Variants in NECAB3 observed in about 807,000 individuals in gnomAD.
The protein encoded by NECAB3 is N-terminal EF-hand calcium-binding protein 3.
Under a neutral mutation model 57.2 loss-of-function variants are expected in NECAB3, and 38 were observed. That is an observed-to-expected ratio of 0.66 (90% confidence interval 0.51 to 0.87). NECAB3 has a LOEUF of 0.87. Among genes scored for constraint, NECAB3 ranks in the 40% least tolerant of loss-of-function variants. NECAB3 has a pLI of 0.00. For synonymous variants in NECAB3, 223 were observed against 222.6 expected (o/e 1.00, Z -0.02); for missense variants, 474 against 527.5 (o/e 0.90, Z 0.99).
chr20:33,667,724 C>T (rs1479602244), intron 5 of NECAB3: 2 of 1,612,208 alleles, frequency 1.2e-6, no homozygotes, highest in African/African-American at 1.3e-5. Flanking sequence ...CCCCGCAAGG[C>T]CATCACACAT....
chr20:33,671,102 C>T (rs1171758006), intron 2 of NECAB3, among the ~76,000 whole-genome samples: 11 of 152,326 alleles, frequency 7.2e-5, no homozygotes, highest in African/African-American at 1.4e-4. Context: ...GGCTGGGACA[C>T]GGCCACATTG....
Position 33,674,414 on chromosome 20 carries a change from T to G in NECAB3, c.-62A>C. ...GCCGACCCTGGACGCCGCGGCGGAC[T>G]CGGTGTGGCTAGAGGCCGCCCCTTG... On this transcript the variant is annotated 5_prime_UTR_variant, in exon 1 of 12. Transcript: ENST00000246190. The G allele has an allele frequency of 9.0e-7, 1 of 1,106,030 alleles. No individual in the cohort carries two copies. Among genetic ancestry groups the G allele is most frequent in the Non-Finnish European group, 1.1e-6 (1 of 908,300 alleles). The allele number at this position is 1,106,030 out of a possible 1,614,324, so 68.5% of individuals were successfully genotyped here.
intron 4 of NECAB3, 95 bp from the exon 5 acceptor site, chr20:33,669,567 G>A: frequency 6.5e-7 from 1 of 1,549,408 alleles, no homozygotes; most frequent in Non-Finnish European, 8.8e-7. Context: ...CAGCCAAGCA[G>A]GCCTTATATC....
intron 5 of NECAB3, chr20:33,663,813 C>T: frequency 4.9e-6 from 7 of 1,416,260 alleles, no homozygotes; most frequent in Admixed American, 3.3e-5. Context: ...GCGAAGCCGG[C>T]CCCGCCGAGG....
At chr20:33,663,677 C>T (rs766653945) in intron 5 of NECAB3, 3 of 1,588,852 alleles carry the variant, frequency 1.9e-6, no homozygotes, top group African/African-American at 1.4e-5. Flanking sequence ...GAGCGCGAGC[C>T]GAGGATGCCG....
At chr20:33,659,451 C>G (rs1184161538) in intron 8 of NECAB3, 46 bp downstream of exon 8, 2 of 1,313,234 alleles carry the variant, frequency 1.5e-6, no homozygotes, top group Non-Finnish European at 2.0e-6. Flanking sequence ...TTCATGAGCA[C>G]CCCCAGACAC....
In NECAB3 at chr20:33,660,946, G is replaced by A. The variant is rs998702451; in HGVS notation, c.388-551C>T. Among the ~76,000 whole-genome samples the A allele has an allele frequency of 3.9e-5, 6 of 152,136 alleles. No individual in the cohort carries two copies. Among genetic ancestry groups the A allele is most frequent in the Non-Finnish European group, 5.9e-5 (4 of 68,010 alleles). On this transcript the variant is annotated intron_variant, in intron 5 of 11. Coordinates refer to ENST00000246190, the MANE Select transcript of NECAB3 (RefSeq NM_031232.4). This position sits in a 1 kb window ranked among gnomAD's most constrained non-coding sequence, Gnocchi z 4.1. Reference sequence around the variant, plus strand: ...ACACACGCCGGCACTGACCCCAACCGACACTGCCAGCCTCCTCCCAGCCCC... The same window carrying A: ...ACACACGCCGGCACTGACCCCAACCAACACTGCCAGCCTCCTCCCAGCCCC...
Position 33,658,490 on chromosome 20 carries a change from C to G in NECAB3, c.1057G>C (p.Ala353Pro), listed in dbSNP as rs978551183. ...FTLYEFWQDE[A>P]SWRRHQQSPG... Reference sequence around the variant, plus strand: ...TGGCACTCATACCTTCTCCAGGAGGCCTCATCCTGCCAGAACTCATACAGG... The same window carrying G: ...TGGCACTCATACCTTCTCCAGGAGGGCTCATCCTGCCAGAACTCATACAGG... Residue 353 changes from alanine (A) to proline (P), a missense_variant, in exon 10 of 12, where the codon GCC becomes CCC. By Grantham distance (27) the Ala-to-Pro change is conservative. Transcript: ENST00000246190. 1.2e-6 allele frequency: 2 copies of G among 1,613,992 alleles called. No individual in the cohort carries two copies. The highest frequency in any genetic ancestry group is 1.7e-6 in the Non-Finnish European group (2 of 1,179,954).
chr20:33,667,749 C>CTGCT lies in NECAB3; in HGVS notation c.387+1622_387+1625dup, dbSNP rs1205358570. On this transcript the variant is annotated intron_variant, in intron 5 of 11. Coordinates refer to ENST00000246190, the MANE Select transcript of NECAB3 (RefSeq NM_031232.4). ...CCATCACACATCTCAAGAAGCGCAGCTGCTACGTGTCCCTGGACTTCGAGG... is the reference window on the plus strand; with the variant it reads ...CCATCACACATCTCAAGAAGCGCAGCTGCTTGCTACGTGTCCCTGGACTTCGAGG... 1.9e-6 allele frequency: 3 copies of CTGCT among 1,612,564 alleles called. No homozygotes were observed. The South Asian group carries it at 3.3e-5, about 18-fold the overall frequency.
In NECAB3 at chr20:33,664,018, A is replaced by G. The variant is rs1039147021; in HGVS notation, c.388-3623T>C. On this transcript the variant is annotated intron_variant, in intron 5 of 11. Coordinates refer to ENST00000246190, the MANE Select transcript of NECAB3 (RefSeq NM_031232.4). ...AACGGGGCGTGATGAAGGCAGAGCC[A>G]TCGCCACGGTCTGGAGCCAGGGCTG... The G allele has an allele frequency of 7.9e-6, 5 of 633,638 alleles. No individual in the cohort carries two copies. The African/African-American group carries it at 9.8e-5, about 12-fold the overall frequency. 39.3% of individuals were successfully genotyped at this position (633,638 alleles called of 1,614,324 possible). A position where few individuals can be genotyped will look rare whatever the true frequency, so the allele number is the denominator to read the frequency against.
intron 5 of NECAB3, chr20:33,667,715 C>T: frequency 6.2e-7 from 1 of 1,612,204 alleles, no homozygotes; most frequent in East Asian, 2.2e-5. Context: ...CAGGCCCTGC[C>T]CCGCAAGGCC....
At position 33,667,628 on chromosome 20, in the gene NECAB3, G is replaced by A. The variant is rs375079608; in HGVS notation, c.387+1747C>T. On this transcript the variant is annotated intron_variant, in intron 5 of 11. Coordinates refer to ENST00000246190, the MANE Select transcript of NECAB3 (RefSeq NM_031232.4). ...CACTCGTGGCACCAGGCCACCTTCCGACTGAACGTGGCAGGCAGCACCCTG... is the reference window on the plus strand; with the variant it reads ...CACTCGTGGCACCAGGCCACCTTCCAACTGAACGTGGCAGGCAGCACCCTG... 8.1e-6 allele frequency: 13 copies of A among 1,602,552 alleles called. No homozygotes were observed. In the African/African-American group the frequency reaches 9.4e-5, roughly 12 times the overall value.
chr20:33,663,623 G>C (rs368305380), intron 5 of NECAB3: 20 of 1,608,998 alleles, frequency 1.2e-5, no homozygotes, highest in East Asian at 6.7e-5. Flanking sequence ...GCTGGGCTGG[G>C]CTCCCCGGCG....
At chr20:33,662,264 G>T in intron 5 of NECAB3, 1 of 1,513,508 alleles carries the variant, frequency 6.6e-7, no homozygotes, top group Non-Finnish European at 8.9e-7. Flanking sequence ...AGGTCAGCCC[G>T]TGAGGTCACA....
intron 5 of NECAB3, chr20:33,662,181 C>T: frequency 1.1e-6 from 1 of 875,676 alleles, no homozygotes; most frequent in Non-Finnish European, 1.7e-6. Flanking sequence ...GAAACCAAGG[C>T]TAGAAGTGAC....
intron 8 of NECAB3, 69 bp downstream of exon 8, chr20:33,659,428 C>A: frequency 7.4e-7 from 1 of 1,347,302 alleles, no homozygotes; most frequent in Non-Finnish European, 9.9e-7. Flanking sequence ...CAACCGGCCC[C>A]ATGAATCCCC....
intron 5 of NECAB3, chr20:33,664,077 A>C (rs374389022): frequency 4.0e-6 from 2 of 500,894 alleles, no homozygotes; most frequent in African/African-American, 4.1e-5. Context: ...GCCAAGGGTC[A>C]GAACAGAACC....
At chr20:33,674,760 A>G (rs967136285), upstream of NECAB3, 4 of 152,290 alleles carry the variant, frequency 2.6e-5, no homozygotes, top group African/African-American at 9.6e-5. Flanking sequence ...CAGACACCCT[A>G]TGCAATTGTT....
intron 5 of NECAB3, chr20:33,663,654 G>A (rs776103523): frequency 6.9e-6 from 11 of 1,597,612 alleles, no homozygotes; most frequent in African/African-American, 1.3e-5. Context: ...TGCGCGGAGC[G>A]GGCGAAGGTA....
Sources: gnomAD v4.1 joint callset for allele counts (sites outside exome capture counted in the v4.1 genomes callset) on GRCh38, gnomAD v4.1.1 for gene constraint, Gnocchi (gnomAD v3.1) non-coding constraint, MANE v1.5 for transcripts, NCBI Gene and HGNC (gene_info 2026-07-23, HGNC 2026-07-21) for gene names.